MED13L: variants seen among roughly 807,000 people sequenced by gnomAD.
MED13L encodes the protein mediator of RNA polymerase II transcription subunit 13-like.
In MED13L, 7 loss-of-function variants were observed where a neutral mutation model predicts 220.9. The observed-to-expected ratio is 0.03, with a 90% CI of 0.02 to 0.06. The LOEUF (loss-of-function observed/expected upper bound fraction) is 0.06, where lower values mean the gene tolerates loss of function less well. MED13L is among the 10% of genes least tolerant of loss of function. MED13L has a pLI of 1.00. For missense variants in MED13L, 1,965 were observed against 2,760.5 expected (o/e 0.71, Z 6.46); for synonymous variants, 1,011 against 1,015.2 (o/e 1.00, Z 0.08).
At chr12:116,144,140 C>T (rs568707795) in intron 2 of MED13L, among the ~76,000 whole-genome samples, 64 of 152,310 alleles carry the variant, frequency 4.2e-4, no homozygotes, top group South Asian at 2.3e-3. Flanking sequence ...ACTGCCCCAA[C>T]AGCTTAACTC....
chr12:116,183,968 G>A (rs868029469), intron 2 of MED13L, among the ~76,000 whole-genome samples: 1 of 152,122 alleles, frequency 6.6e-6, no homozygotes, highest in South Asian at 2.1e-4. Flanking sequence ...CTTAGTGGAA[G>A]CCAGCAAAGC....
intron 29 of MED13L, among the ~76,000 whole-genome samples, chr12:115,965,171 G>A (rs7301395): frequency 0.99 from 150,946 of 152,316 alleles, 74,798 homozygotes; most frequent in Middle Eastern, 1. Flanking sequence ...GTGTGTGAAT[G>A]TGCATATCTT....
chr12:116,078,376 T>C (rs1221406414), intron 4 of MED13L, among the ~76,000 whole-genome samples: 1 of 152,162 alleles, frequency 6.6e-6, no homozygotes, highest in Non-Finnish European at 1.5e-5. Context: ...TTTCTACATA[T>C]AATTATAAAC....
At chr12:116,144,352 G>T (rs1181627544) in intron 2 of MED13L, among the ~76,000 whole-genome samples, 1 of 152,098 alleles carries the variant, frequency 6.6e-6, no homozygotes, top group Non-Finnish European at 1.5e-5. Flanking sequence ...AAAGGGCCCA[G>T]CTCCCAACAG....
Position 116,213,253 on chromosome 12 carries a change from GA to G in MED13L, c.310+24214del, listed in dbSNP as rs1882811582. ...CAAGGTGGACAAGAAAGAGGGGAGGGAGGGAAAACAAGAAGGAAGGAGGGAT... is the reference window on the plus strand; with the variant it reads ...CAAGGTGGACAAGAAAGAGGGGAGGGGGGAAAACAAGAAGGAAGGAGGGAT... On this transcript the variant is annotated intron_variant, in intron 2 of 30. Coordinates refer to ENST00000281928, the MANE Select transcript of MED13L (RefSeq NM_015335.5). Among the ~76,000 whole-genome samples, 4 of 152,138 alleles carry G rather than the reference GA, an allele frequency of 2.6e-5. No individual in the cohort carries two copies. In the South Asian group the frequency reaches 8.3e-4, roughly 31 times the overall value.
chr12:116,265,239 T>C (rs1055036656), intron 1 of MED13L, among the ~76,000 whole-genome samples: 1 of 152,206 alleles, frequency 6.6e-6, no homozygotes, highest in African/African-American at 2.4e-5. Flanking sequence ...AGAAAGCAAA[T>C]TAGATTGTCT....
chr12:116,256,379 G>A (rs966608368), intron 1 of MED13L, among the ~76,000 whole-genome samples: 3 of 151,124 alleles, frequency 2.0e-5, no homozygotes, highest in Non-Finnish European at 4.4e-5. Flanking sequence ...AAAAATTCTA[G>A]AAAGGGCAAA....
intron 2 of MED13L, among the ~76,000 whole-genome samples, chr12:116,199,579 A>G (rs532471791): frequency 6.6e-6 from 1 of 152,330 alleles, no homozygotes; most frequent in Non-Finnish European, 1.5e-5. Flanking sequence ...ACTTTCAGTA[A>G]GCATGTAAAA....
chr12:116,014,974 A>G, intron 8 of MED13L, 135 bp downstream of exon 8: 2 of 837,318 alleles, frequency 2.4e-6, no homozygotes, highest in Non-Finnish European at 4.0e-6. Flanking sequence ...ATTCTATTAA[A>G]TTCAAAAAGA....
chr12:116,092,261 C>T (rs547474674), intron 4 of MED13L, among the ~76,000 whole-genome samples: 6 of 152,326 alleles, frequency 3.9e-5, no homozygotes, highest in African/African-American at 7.2e-5. Flanking sequence ...ACCGTTCACA[C>T]TTGAAGTGTC....
chr12:116,263,549 C>G (rs753832334), intron 1 of MED13L, among the ~76,000 whole-genome samples: 3 of 152,210 alleles, frequency 2.0e-5, no homozygotes, highest in Non-Finnish European at 2.9e-5. Context: ...GAAGAAATTA[C>G]TGAGACAACA....
At chr12:116,258,017 T>C (rs1302982379) in intron 1 of MED13L, among the ~76,000 whole-genome samples, 1 of 152,210 alleles carries the variant, frequency 6.6e-6, no homozygotes, top group Non-Finnish European at 1.5e-5. Context: ...GGCAAATCTA[T>C]ATGCTCCAGT....
chr12:115,999,982 C>T (rs79468343), intron 14 of MED13L, among the ~76,000 whole-genome samples: 51 of 152,212 alleles, frequency 3.4e-4, no homozygotes, highest in Middle Eastern at 3.4e-3. Context: ...TTTCCTAATC[C>T]GTAAAATGGG....
Position 116,223,451 on chromosome 12 carries a change from T to C in MED13L, c.310+14017A>G, listed in dbSNP as rs1424135962. Among the ~76,000 whole-genome samples, 3 of 152,314 alleles carry C rather than the reference T, an allele frequency of 2.0e-5. No homozygotes were observed. In the East Asian group the frequency reaches 5.8e-4, roughly 29 times the overall value. Reference sequence around the variant, plus strand: ...GGCCCAGTGCGATGGATCACGCTTGTAATCCCAGCACTTTGGGAGGCCGGG... The same window carrying C: ...GGCCCAGTGCGATGGATCACGCTTGCAATCCCAGCACTTTGGGAGGCCGGG... On this transcript the variant is annotated intron_variant, in intron 2 of 30. Coordinates refer to ENST00000281928, the MANE Select transcript of MED13L (RefSeq NM_015335.5).
chr12:116,238,325 T>C (rs1327200698), intron 1 of MED13L, among the ~76,000 whole-genome samples: 2 of 152,228 alleles, frequency 1.3e-5, no homozygotes, highest in Admixed American at 6.5e-5. Flanking sequence ...TTCCCTAATG[T>C]AGTTTGGTAT....
At chr12:115,985,681 T>C (rs1877639837) in intron 19 of MED13L, among the ~76,000 whole-genome samples, 1 of 152,222 alleles carries the variant, frequency 6.6e-6, no homozygotes, top group Non-Finnish European at 1.5e-5. Flanking sequence ...CAGGAATTCA[T>C]ATACTAAAGA....
At chr12:115,996,248 G>A (rs905463392) in intron 16 of MED13L, among the ~76,000 whole-genome samples, 3 of 151,958 alleles carry the variant, frequency 2.0e-5, no homozygotes, top group African/African-American at 7.3e-5. Context: ...CTGCCACCAA[G>A]CCCAGCTAAT....
chr12:116,168,451 C>A (rs1464790852), intron 2 of MED13L, among the ~76,000 whole-genome samples: 1 of 151,994 alleles, frequency 6.6e-6, no homozygotes, highest in Non-Finnish European at 1.5e-5. Flanking sequence ...CACTAACAGG[C>A]CTTCTTATAA....
At chr12:116,020,078 C>T (rs1566014383) in intron 5 of MED13L, 106 bp from the exon 6 acceptor site, 3 of 1,001,854 alleles carry the variant, frequency 3.0e-6, no homozygotes, top group Non-Finnish European at 4.5e-6. Context: ...ACTTAATGTG[C>T]ATTGTTCTTT....
Sources: allele counts gnomAD v4.1 joint callset (sites outside exome capture counted in the v4.1 genomes callset), GRCh38; gene constraint gnomAD v4.1.1; transcripts MANE v1.5; gene names NCBI Gene and HGNC (gene_info 2026-07-23, HGNC 2026-07-21).